The following SMOC1 variants were observed in gnomAD, a reference collection of about 807,000 sequenced individuals.
SMOC1 encodes SPARC-related modular calcium-binding protein 1.
SMOC1 carries 22 observed loss-of-function variants against 56.3 expected under a neutral mutation model. The ratio of observed to expected loss-of-function variants is 0.39; its 90% confidence interval spans 0.28 to 0.56. The LOEUF (loss-of-function observed/expected upper bound fraction) is 0.56, where lower values mean the gene tolerates loss of function less well. Among genes scored for constraint, SMOC1 ranks in the 20% least tolerant of loss-of-function variants. SMOC1 has a pLI of 0.61. For synonymous variants in SMOC1, 193 were observed against 215.0 expected, an observed-to-expected ratio of 0.90 and a Z score of 0.89; for missense variants, 509 against 565.4, an observed-to-expected ratio of 0.90 and a Z score of 1.01.
intron 1 of SMOC1, among the ~76,000 whole-genome samples, chr14:69,881,935 T>A (rs1264295234): frequency 2.0e-5 from 3 of 152,186 alleles, no homozygotes; most frequent in Non-Finnish European, 4.4e-5. Flanking sequence ...CCAGTTTATA[T>A]GGATTGAAAA....
chr14:69,981,972 C>T (rs973290363), intron 5 of SMOC1, among the ~76,000 whole-genome samples: 2 of 151,976 alleles, frequency 1.3e-5, no homozygotes, highest in African/African-American at 4.8e-5. Context: ...TGAAGGGGGG[C>T]AGTGGTGAAG....
chr14:70,019,919 A>G (rs576629764), intron 10 of SMOC1, among the ~76,000 whole-genome samples: 10 of 152,292 alleles, frequency 6.6e-5, no homozygotes, highest in African/African-American at 2.4e-4. Flanking sequence ...TGTCAACTTC[A>G]TCTGTGACTT....
chr14:69,935,041 C>T (rs1885261016), intron 1 of SMOC1, among the ~76,000 whole-genome samples: 1 of 152,224 alleles, frequency 6.6e-6, no homozygotes, highest in Non-Finnish European at 1.5e-5. Context: ...TCTACTATGA[C>T]TTCTTCCTCT....
chr14:69,983,883 C>T lies in SMOC1; in HGVS notation c.526+5918C>T, dbSNP rs143646461. ...CTCCAGCTCAGAGGGCCACAGAACT[C>T]GTGTGGTAAAGGCCGAGGAACTGTC... On this transcript the variant is annotated intron_variant, in intron 5 of 11. Coordinates refer to ENST00000361956, the MANE Select transcript of SMOC1 (RefSeq NM_001034852.3). Among the ~76,000 whole-genome samples, 225 of 152,300 alleles carry T rather than the reference C, an allele frequency of 1.5e-3. 1 individual carries two copies. The highest frequency in any genetic ancestry group is 2.7e-3 in the Non-Finnish European group (183 of 68,024).
At chr14:69,971,918 C>T (rs962336548) in intron 3 of SMOC1, among the ~76,000 whole-genome samples, 1 of 152,188 alleles carries the variant, frequency 6.6e-6, no homozygotes, top group South Asian at 2.1e-4. Context: ...CTTTTGTCCT[C>T]ATCAGATAAT....
chr14:69,947,331 G>A lies in SMOC1; in HGVS notation c.100-4807G>A, dbSNP rs114967398. Among the ~76,000 whole-genome samples, 1,078 of 152,042 alleles carry A rather than the reference G, an allele frequency of 7.1e-3. 17 individuals carry two copies. Among genetic ancestry groups the A allele is most frequent in the African/African-American group, 0.024 (997 of 41,458 alleles). On this transcript the variant is annotated intron_variant, in intron 1 of 11. Coordinates refer to ENST00000361956, the MANE Select transcript of SMOC1 (RefSeq NM_001034852.3). ...GCCATGGGCATGCATTACTATGCCT[G>A]GCTAATTTTAAAATTTTTTGTAGAG...
intron 4 of SMOC1, among the ~76,000 whole-genome samples, 160 bp from the exon 5 acceptor site, chr14:69,977,758 G>A (rs1884020251): frequency 6.6e-6 from 1 of 152,202 alleles, no homozygotes; most frequent in Admixed American, 6.5e-5. Context: ...CACTCAACAT[G>A]TGTATATGTA....
intron 1 of SMOC1, among the ~76,000 whole-genome samples, chr14:69,889,645 A>G (rs722815): frequency 0.039 from 6,008 of 152,324 alleles, 257 homozygotes; most frequent in South Asian, 0.14. Context: ...TGCTGCCATG[A>G]CAAATGAACA....
At chr14:69,951,263 C>G (rs1203585920) in intron 1 of SMOC1, among the ~76,000 whole-genome samples, 2 of 152,130 alleles carry the variant, frequency 1.3e-5, no homozygotes, top group Non-Finnish European at 2.9e-5. Context: ...GACACCACTC[C>G]CATAGTATTT....
chr14:70,009,326 C>T, intron 7 of SMOC1, among the ~76,000 whole-genome samples: 1 of 152,184 alleles, frequency 6.6e-6, no homozygotes, highest in South Asian at 2.1e-4. Context: ...GTTTTTCTAT[C>T]ATCTGACTTA....
chr14:69,981,614 G>C (rs1392873296), intron 5 of SMOC1, among the ~76,000 whole-genome samples: 11 of 152,102 alleles, frequency 7.2e-5, no homozygotes, highest in African/African-American at 2.4e-4. Flanking sequence ...GAGAGGAAGA[G>C]GGCCCCAAAC....
At chr14:69,918,945 T>C (rs145066477) in intron 1 of SMOC1, among the ~76,000 whole-genome samples, 77 of 152,308 alleles carry the variant, frequency 5.1e-4, no homozygotes, top group African/African-American at 1.7e-3. Flanking sequence ...TTTCTATTTA[T>C]GTGGGTAATG....
intron 1 of SMOC1, among the ~76,000 whole-genome samples, chr14:69,909,069 TGGGTG>T (rs1884486536): frequency 6.6e-6 from 1 of 152,148 alleles, no homozygotes; most frequent in Non-Finnish European, 1.5e-5. Flanking sequence ...CACTAGACTA[TGGGTG>T]GACTCCTTCA....
chr14:69,891,376 T>G (rs1883954795), intron 1 of SMOC1, among the ~76,000 whole-genome samples: 1 of 152,210 alleles, frequency 6.6e-6, no homozygotes, highest in Admixed American at 6.5e-5. Context: ...GAATACATTA[T>G]ACATTTTTCA....
intron 7 of SMOC1, among the ~76,000 whole-genome samples, chr14:69,998,428 GTTTTT>G (rs36077349): frequency 1.4e-5 from 2 of 146,552 alleles, no homozygotes; most frequent in African/African-American, 5.0e-5. Context: ...CTCTTGCTAA[GTTTTT>G]TTTTTTTTTA....
chr14:70,004,889 C>G (rs964302783), intron 7 of SMOC1, among the ~76,000 whole-genome samples: 3 of 152,230 alleles, frequency 2.0e-5, no homozygotes, highest in Non-Finnish European at 4.4e-5. Flanking sequence ...ACTGTCTGCT[C>G]TCTCCACCCG....
chr14:69,982,397 T>G (rs1884212469), intron 5 of SMOC1, among the ~76,000 whole-genome samples: 1 of 152,202 alleles, frequency 6.6e-6, no homozygotes, highest in African/African-American at 2.4e-5. Context: ...CCAAGGTCCC[T>G]GTCTGTATCT....
Position 69,885,428 on chromosome 14 carries a change from C to A in SMOC1, c.99+5651C>A, listed in dbSNP as rs1293404380. On this transcript the variant is annotated intron_variant, in intron 1 of 11. Transcript: ENST00000361956. Reference sequence around the variant, plus strand: ...AGACTTAGGACCCAGGACATTGCCACCCCAGTGACGGCGGATCTCATCGTA... The same window carrying A: ...AGACTTAGGACCCAGGACATTGCCAACCCAGTGACGGCGGATCTCATCGTA... The A allele has an allele frequency of 2.5e-6, 4 of 1,601,340 alleles. No homozygotes were observed. In the African/African-American group the frequency reaches 5.3e-5, roughly 21 times the overall value.
At chr14:69,978,562 C>A (rs1341898234) in intron 5 of SMOC1, among the ~76,000 whole-genome samples, 2 of 152,266 alleles carry the variant, frequency 1.3e-5, no homozygotes, top group East Asian at 3.9e-4. Context: ...GTCTGCTGAA[C>A]CTTGTCACCT....
Sources: allele counts gnomAD v4.1 joint callset (sites outside exome capture counted in the v4.1 genomes callset), GRCh38; gene constraint gnomAD v4.1.1; transcripts MANE v1.5; gene names NCBI Gene and HGNC (gene_info 2026-07-23, HGNC 2026-07-21).